Variants in JAML observed in about 807,000 individuals in gnomAD.
JAML encodes junctional adhesion molecule-like.
JAML carries 25 observed loss-of-function variants against 39.3 expected under a neutral mutation model. That is an observed-to-expected ratio of 0.64 (90% CI 0.46 to 0.89). The LOEUF (loss-of-function observed/expected upper bound fraction) is 0.89. Among genes scored for constraint, JAML ranks in the 40% least tolerant of loss-of-function variants. The pLI is 0.00. For synonymous variants in JAML, 162 were observed against 179.2 expected (o/e 0.90, Z 0.77); for missense variants, 440 against 486.9 (o/e 0.90, Z 0.91).
At chr11:118,212,946 TAA>T (rs1949091732) in intron 2 of JAML, 1 of 1,614,110 alleles carries the variant, frequency 6.2e-7, no homozygotes, top group Admixed American at 1.7e-5. Context: ...TCCTTGCTCT[TAA>T]ATCTCCCACT....
chr11:118,202,314 A>G (rs1948819374), intron 6 of JAML: 1 of 152,560 alleles, frequency 6.6e-6, no homozygotes, highest in Non-Finnish European at 1.5e-5. Flanking sequence ...AATCTTAAGA[A>G]AAAGAAAGAC....
At position 118,198,016 on chromosome 11, in the gene JAML, A is replaced by G. The variant is rs1948695645; in HGVS notation, c.987T>C (p.Phe329=). 1.2e-6 allele frequency: 2 copies of G among 1,614,146 alleles called. No homozygotes were observed. The highest frequency in any genetic ancestry group is 2.2e-5 in the South Asian group (2 of 91,088). The change falls in exon 8 of 10, where the codon TTT becomes TTC. Residue 329 remains phenylalanine (F), a synonymous_variant. Coordinates refer to ENST00000356289, the MANE Select transcript of JAML (RefSeq NM_001098526.2). The part of the protein sequence containing the change: ...NPEIKEKPCH[F]ERCEGEKHIY... Reference sequence around the variant, plus strand: ...TGTTCACCTCCCCTTCACATCTTTCAAAATGGCAGGGTTTTTCTTTTATCT... The same window carrying G: ...TGTTCACCTCCCCTTCACATCTTTCGAAATGGCAGGGTTTTTCTTTTATCT...
chr11:118,203,018 C>A (rs1359044640), intron 6 of JAML: 1 of 459,870 alleles, frequency 2.2e-6, no homozygotes, highest in South Asian at 1.5e-5. Flanking sequence ...CTGTCTCTCA[C>A]TAGCTTAGGA....
intron 4 of JAML, 38 bp from the exon 5 acceptor site, chr11:118,206,029 A>T: frequency 6.5e-7 from 1 of 1,543,760 alleles, no homozygotes; most frequent in Non-Finnish European, 9.0e-7. Flanking sequence ...GACTCAAGTT[A>T]TAATCTATAG....
intron 5 of JAML, chr11:118,205,617 G>A: frequency 7.4e-6 from 3 of 403,646 alleles, no homozygotes; most frequent in East Asian, 4.6e-5. Flanking sequence ...TAAAATGCAG[G>A]GGCCAAGTCT....
intron 6 of JAML, 190 bp downstream of exon 6, chr11:118,203,238 C>A: frequency 2.8e-6 from 2 of 724,774 alleles, no homozygotes; most frequent in Admixed American, 1.8e-5. Context: ...TAGGGTGAGG[C>A]AAGCCAGGCA....
At chr11:118,211,667 A>C (rs1163174731) in intron 3 of JAML, among the ~76,000 whole-genome samples, 1 of 152,244 alleles carries the variant, frequency 6.6e-6, no homozygotes, top group Admixed American at 6.5e-5. Flanking sequence ...AGCTACAAAA[A>C]CAATATTTTG....
In JAML at chr11:118,198,095, C is replaced by A. The variant is rs1433809285; in HGVS notation, c.912-4G>T. On this transcript the variant is annotated splice_region_variant and splice_polypyrimidine_tract_variant and intron_variant, in intron 7 of 9. Coordinates refer to ENST00000356289, the MANE Select transcript of JAML (RefSeq NM_001098526.2). ...CAAGACTGTAGAATTCACTGAACTG[C>A]AAGACATGAAAAGCATGTGGAATTA... 1.2e-6 allele frequency: 2 copies of A among 1,612,816 alleles called. No individual in the cohort carries two copies. The highest frequency in any genetic ancestry group is 8.5e-7 in the Non-Finnish European group (1 of 1,178,892).
intron 1 of JAML, among the ~76,000 whole-genome samples, chr11:118,217,237 T>C (rs1317322769): frequency 6.6e-6 from 1 of 152,198 alleles, no homozygotes; most frequent in Non-Finnish European, 1.5e-5. Context: ...TAGCTGACAA[T>C]GTGACCATTA....
At chr11:118,205,647 G>A in intron 5 of JAML, 5 of 516,486 alleles carry the variant, frequency 9.7e-6, no homozygotes, top group Non-Finnish European at 1.8e-5. Flanking sequence ...TGCTTTACAT[G>A]TACAATCTCA....
At chr11:118,212,881 C>T (rs1196977856) in intron 2 of JAML, 4 of 1,614,256 alleles carry the variant, frequency 2.5e-6, no homozygotes, top group Non-Finnish European at 3.4e-6. Flanking sequence ...TCTCTCCTTT[C>T]TGATCATCAA....
chr11:118,219,254 T>C (rs1235652729), intron 1 of JAML, among the ~76,000 whole-genome samples: 1 of 152,098 alleles, frequency 6.6e-6, no homozygotes, highest in Non-Finnish European at 1.5e-5. Flanking sequence ...GTGGTTATTA[T>C]CAAAAAGACA....
Position 118,194,268 on chromosome 11 carries a change from G to C in JAML, c.*57C>G. 2 of 1,464,148 alleles carry C rather than the reference G, an allele frequency of 1.4e-6. No homozygotes were observed. Among genetic ancestry groups the C allele is most frequent in the Non-Finnish European group, 1.9e-6 (2 of 1,044,222 alleles). 90.7% of individuals were successfully genotyped at this position (1,464,148 alleles called of 1,614,324 possible). On this transcript the variant is annotated 3_prime_UTR_variant, in exon 10 of 10. Transcript: ENST00000356289. ...TGAAATCACTGGTAGAGTGGCCCAG[G>C]ACACACACAGGAGAGAGTCTCCACC...
intron 1 of JAML, among the ~76,000 whole-genome samples, chr11:118,221,358 C>T (rs761296531): frequency 6.6e-6 from 1 of 152,128 alleles, no homozygotes; most frequent in Non-Finnish European, 1.5e-5. Flanking sequence ...AATTTTTCCC[C>T]ATGGAAAACA....
At chr11:118,204,306 C>T (rs1267246546) in intron 5 of JAML, 1 of 154,932 alleles carries the variant, frequency 6.5e-6, no homozygotes, top group East Asian at 1.9e-4. Flanking sequence ...CCTGCTTATT[C>T]TCTATGACAA....
rs77588719 is a variant in JAML at position 118,193,917 on chromosome 11, G to C, written c.*408C>G. 5.3e-3 allele frequency: 971 copies of C among 184,940 alleles called. 9 individuals are homozygous for C. The highest frequency in any genetic ancestry group is 0.021 in the African/African-American group (919 of 43,124). 11.5% of individuals were successfully genotyped at this position (184,940 alleles called of 1,614,324 possible). On this transcript the variant is annotated 3_prime_UTR_variant, in exon 10 of 10. Coordinates refer to ENST00000356289, the MANE Select transcript of JAML (RefSeq NM_001098526.2). ...CCCCTCAACCGAGGCATAAAAATAG[G>C]ACGATTTCCACAAACAACACTTATT...
At chr11:118,212,853 T>G in intron 2 of JAML, 2 of 1,614,000 alleles carry the variant, frequency 1.2e-6, no homozygotes, top group Non-Finnish European at 1.7e-6. Context: ...TCTAAAGAAA[T>G]AAGGGAAACC....
chr11:118,195,948 C>T (rs184243250), intron 9 of JAML, among the ~76,000 whole-genome samples: 57 of 152,190 alleles, frequency 3.7e-4, no homozygotes, highest in African/African-American at 1.3e-3. Flanking sequence ...TCTCCTGCCT[C>T]AGCCTCCCAA....
intron 5 of JAML, chr11:118,204,706 C>T (rs1263858205): frequency 1.3e-5 from 2 of 152,228 alleles, no homozygotes; most frequent in African/African-American, 4.8e-5. Flanking sequence ...TCCCCGTAGG[C>T]TCTTACTATT....
Sources: allele counts gnomAD v4.1 joint callset (sites outside exome capture counted in the v4.1 genomes callset), GRCh38; gene constraint gnomAD v4.1.1; transcripts MANE v1.5; gene names NCBI Gene and HGNC (gene_info 2026-07-23, HGNC 2026-07-21).